The following ADGRV1 variants were observed in gnomAD, a reference collection of about 807,000 sequenced individuals.
ADGRV1 encodes the protein G-protein coupled receptor 98.
In ADGRV1, 359 loss-of-function variants were observed where a neutral mutation model predicts 596.2. That is an observed-to-expected ratio of 0.60 (90% CI 0.55 to 0.66). The LOEUF is 0.66. Among genes scored for constraint, ADGRV1 ranks in the 30% least tolerant of loss-of-function variants. The probability of loss-of-function intolerance (pLI) is 0.00; values close to 1 mark genes in which losing one functional copy is unlikely to be tolerated. For missense variants in ADGRV1, 7,274 were observed against 7,575.6 expected, an observed-to-expected ratio of 0.96 and a Z score of 1.48; for synonymous variants, 2,681 against 2,679.2, an observed-to-expected ratio of 1.00 and a Z score of -0.02.
At chr5:90,615,918 T>A (rs1434222381) in intron 2 of ADGRV1, among the ~76,000 whole-genome samples, 1 of 151,972 alleles carries the variant, frequency 6.6e-6, no homozygotes, top group Non-Finnish European at 1.5e-5. Flanking sequence ...CTTTTCATTG[T>A]GGTTGCTTCT....
intron 85 of ADGRV1, among the ~76,000 whole-genome samples, chr5:90,990,009 G>C (rs1780833995): frequency 6.6e-6 from 1 of 152,014 alleles, no homozygotes; most frequent in South Asian, 2.1e-4. Flanking sequence ...GTAGGGACGG[G>C]GTTTCTCCAC....
Position 90,849,748 on chromosome 5 carries a change from AG to A in ADGRV1, c.17204+928del, listed in dbSNP as rs576287235. Among the ~76,000 whole-genome samples, 152 of 152,356 alleles carry A rather than the reference AG, an allele frequency of 1.0e-3. 1 individual carries two copies. Among genetic ancestry groups the A allele is most frequent in the Non-Finnish European group, 1.4e-3 (96 of 68,036 alleles). ...GTTCAAAGAGATAGTCAATCCAGATAGAAAAAAGTTATAAGAACAAGGAATA... is the reference window on the plus strand; with the variant it reads ...GTTCAAAGAGATAGTCAATCCAGATAAAAAAAGTTATAAGAACAAGGAATA... On this transcript the variant is annotated intron_variant, in intron 79 of 89. Transcript: ENST00000405460.
chr5:91,058,575 A>G (rs897424581), intron 85 of ADGRV1, among the ~76,000 whole-genome samples: 4 of 151,966 alleles, frequency 2.6e-5, no homozygotes, highest in African/African-American at 9.7e-5. Context: ...CCCCTGAACC[A>G]ATAGTCAATT....
intron 83 of ADGRV1, among the ~76,000 whole-genome samples, chr5:90,876,181 T>C (rs1211686918): frequency 6.6e-6 from 1 of 152,108 alleles, no homozygotes; most frequent in Non-Finnish European, 1.5e-5. Flanking sequence ...TGCCTGGTAT[T>C]TTGTAAATAA....
intron 29 of ADGRV1, among the ~76,000 whole-genome samples, chr5:90,686,790 G>A (rs376554489): frequency 3.7e-4 from 57 of 152,194 alleles, no homozygotes; most frequent in East Asian, 7.7e-4. Context: ...GAATCGCCAC[G>A]CTGACTTCCA....
rs763733110 is a variant in ADGRV1 at position 90,711,322 on chromosome 5, G to C, written c.9042G>C (p.Met3014Ile). 2.5e-6 allele frequency: 4 copies of C among 1,595,922 alleles called. No individual in the cohort carries two copies. The highest frequency in any genetic ancestry group is 3.4e-6 in the Non-Finnish European group (4 of 1,172,950). Residue 3014 changes from methionine to isoleucine, a missense_variant and splice_region_variant, in exon 41 of 90, where the codon ATG becomes ATC. By Grantham distance (10) the Met-to-Ile change is conservative. Transcript: ENST00000405460. Reference protein sequence around the residue: ...QVGLDYIFTPMILHFADGERY... With the variant: ...QVGLDYIFTPIILHFADGERY... ...GGCTGGATTATATCTTCACCCCAAT[G>C]GTGGGTCTCAAAATCTATCACAGAT...
At chr5:90,757,813 A>G (rs557941616) in intron 57 of ADGRV1, among the ~76,000 whole-genome samples, 2 of 152,350 alleles carry the variant, frequency 1.3e-5, no homozygotes, top group South Asian at 4.1e-4. Flanking sequence ...TGGAAAAGGC[A>G]TATGAACAAC....
Position 90,627,369 on chromosome 5 carries a change from C to T in ADGRV1, c.831C>T (p.His277=), listed in dbSNP as rs771521139. 1.9e-6 allele frequency: 3 copies of T among 1,613,772 alleles called. No individual in the cohort carries two copies. The highest frequency in any genetic ancestry group is 8.5e-7 in the Non-Finnish European group (1 of 1,179,846). The change falls in exon 7 of 90, where the codon CAC becomes CAT. Residue 277 remains histidine (H), a synonymous_variant. Coordinates refer to ENST00000405460, the MANE Select transcript of ADGRV1 (RefSeq NM_032119.4). ...TTTATTTGGTTCCTGAGGAAGACCA[C>T]ATACTCATAATTCCAGTAGTTCGTG... ...QSIYLVPEED[H]ILIIPVVRGK...
At chr5:90,732,481 C>T (rs1410187176) in intron 50 of ADGRV1, among the ~76,000 whole-genome samples, 1 of 152,104 alleles carries the variant, frequency 6.6e-6, no homozygotes, top group African/African-American at 2.4e-5. Flanking sequence ...CACTTAAAAT[C>T]TAGTCTCTTA....
At chr5:91,098,850 T>C (rs1032061439) in intron 86 of ADGRV1, among the ~76,000 whole-genome samples, 1 of 152,174 alleles carries the variant, frequency 6.6e-6, no homozygotes, top group Non-Finnish European at 1.5e-5. Flanking sequence ...AAAATGTGCA[T>C]GTCCCTTTGT....
At chr5:90,574,687 G>T (rs1756978106) in intron 1 of ADGRV1, among the ~76,000 whole-genome samples, 1 of 152,144 alleles carries the variant, frequency 6.6e-6, no homozygotes, top group Non-Finnish European at 1.5e-5. Context: ...TGTACGTCTG[G>T]TAGAGTTCAG....
At chr5:91,115,479 G>A (rs908168491) in intron 87 of ADGRV1, among the ~76,000 whole-genome samples, 5 of 152,158 alleles carry the variant, frequency 3.3e-5, no homozygotes, top group Non-Finnish European at 5.9e-5. Flanking sequence ...ACATCTTATG[G>A]TCAGCTGATG....
intron 75 of ADGRV1, among the ~76,000 whole-genome samples, chr5:90,822,604 C>G (rs902559270): frequency 1.3e-5 from 2 of 152,104 alleles, no homozygotes; most frequent in Admixed American, 1.3e-4. Context: ...ACTGACTCGG[C>G]GATGCGGGCT....
chr5:90,774,325 G>A (rs752671108), intron 60 of ADGRV1, 22 bp downstream of exon 60: 1 of 1,361,408 alleles, frequency 7.3e-7, no homozygotes, highest in African/African-American at 1.4e-5. Flanking sequence ...TCACATTTTT[G>A]GAAATTAAAA....
chr5:91,104,024 C>CT (rs1446550665), intron 87 of ADGRV1, among the ~76,000 whole-genome samples: 3 of 152,166 alleles, frequency 2.0e-5, no homozygotes, highest in African/African-American at 7.2e-5. Flanking sequence ...GAGCTTCAAT[C>CT]TTTAAGCAAG....
At chr5:91,057,155 C>T (rs950885037) in intron 85 of ADGRV1, among the ~76,000 whole-genome samples, 10 of 152,142 alleles carry the variant, frequency 6.6e-5, no homozygotes, top group Admixed American at 4.6e-4. Flanking sequence ...CTGACCTTTA[C>T]GAAAATTGTG....
At chr5:90,832,013 G>A (rs1303797279) in intron 77 of ADGRV1, among the ~76,000 whole-genome samples, 11 of 152,128 alleles carry the variant, frequency 7.2e-5, no homozygotes, top group South Asian at 4.1e-4. Context: ...AATCTTGACT[G>A]TGGTGAATAG....
rs766924889 is a variant in ADGRV1, at chr5:90,679,574, A to G, written c.5469A>G (p.Gly1823=). 9 of 1,613,542 alleles carry G rather than the reference A, an allele frequency of 5.6e-6. No homozygotes were observed. The highest frequency in any genetic ancestry group is 7.6e-6 in the Non-Finnish European group (9 of 1,179,662). The change falls in exon 26 of 90, where the codon GGA becomes GGG. Residue 1823 remains glycine (G), a synonymous_variant. Coordinates refer to ENST00000405460, the MANE Select transcript of ADGRV1 (RefSeq NM_032119.4). ...GGVAELFRVD[G]SGSGDGDMEF... ...TAGCTGAACTCTTTAGGGTTGATGGAAGTGGTAGTGGTGATGGGGACATGG... is the reference window on the plus strand; with the variant it reads ...TAGCTGAACTCTTTAGGGTTGATGGGAGTGGTAGTGGTGATGGGGACATGG...
At chr5:91,076,214 T>A (rs1788844906) in intron 86 of ADGRV1, among the ~76,000 whole-genome samples, 1 of 152,206 alleles carries the variant, frequency 6.6e-6, no homozygotes, top group South Asian at 2.1e-4. Flanking sequence ...AAACTTTCAA[T>A]ATTCTCCCCC....
Sources: allele counts gnomAD v4.1 joint callset (sites outside exome capture counted in the v4.1 genomes callset), GRCh38; gene constraint gnomAD v4.1.1; transcripts MANE v1.5; gene names NCBI Gene and HGNC (gene_info 2026-07-23, HGNC 2026-07-21).